The following RHCE variants were observed in gnomAD, a reference collection of about 807,000 sequenced individuals.
RHCE encodes blood group Rh(CE) polypeptide.
Under a neutral mutation model 43.8 loss-of-function variants are expected in RHCE, and 22 were observed. The observed-to-expected ratio is 0.50, with a 90% CI of 0.36 to 0.72. The LOEUF is 0.72. Among genes scored for constraint, RHCE ranks in the 30% least tolerant of loss-of-function variants. The pLI is 0.00. For missense variants in RHCE, 385 were observed against 525.4 expected, an observed-to-expected ratio of 0.73 and a Z score of 2.61; for synonymous variants, 156 against 210.7, an observed-to-expected ratio of 0.74 and a Z score of 2.25.
rs944911854 is a variant in RHCE, at chr1:25,399,050, T to G, written c.486+3546A>C. 3.7e-5 allele frequency: 60 copies of G among 1,604,534 alleles called. 2 individuals are homozygous for G. Among genetic ancestry groups the G allele is most frequent in the South Asian group, 3.2e-4 (29 of 90,894 alleles). Reference sequence around the variant, plus strand: ...ATGGTCACTGGGGCCTTGGACAAGTTGTTACTGACTATGTTCATGGGGATG... The same window carrying G: ...ATGGTCACTGGGGCCTTGGACAAGTGGTTACTGACTATGTTCATGGGGATG... On this transcript the variant is annotated intron_variant, in intron 3 of 9. Coordinates refer to ENST00000294413, the MANE Select transcript of RHCE (RefSeq NM_020485.8).
chr1:25,376,693 T>A (rs958254883), intron 7 of RHCE, among the ~76,000 whole-genome samples: 2 of 151,986 alleles, frequency 1.3e-5, no homozygotes, highest in Non-Finnish European at 2.9e-5. Context: ...GGCGGGTGGA[T>A]CATGAGGTCA....
chr1:25,381,636 T>G (rs1244176500), intron 7 of RHCE, among the ~76,000 whole-genome samples: 1 of 152,018 alleles, frequency 6.6e-6, no homozygotes, highest in Non-Finnish European at 1.5e-5. Context: ...TTTTGTATTT[T>G]TGGTAGAAAC....
intron 5 of RHCE, among the ~76,000 whole-genome samples, chr1:25,390,391 G>T (rs555719701): frequency 6.6e-6 from 1 of 152,112 alleles, no homozygotes; most frequent in Non-Finnish European, 1.5e-5. Context: ...AAATTTGTTG[G>T]GGGGAAGAGA....
intron 7 of RHCE, among the ~76,000 whole-genome samples, chr1:25,376,033 T>C (rs1277035942): frequency 2.0e-5 from 3 of 152,106 alleles, no homozygotes; most frequent in East Asian, 1.9e-4. Flanking sequence ...TCAAGTGATC[T>C]GCCCGCCTTG....
intron 3 of RHCE, among the ~76,000 whole-genome samples, chr1:25,392,559 C>T (rs1646408302): frequency 7.5e-6 from 1 of 134,166 alleles, no homozygotes; most frequent in Non-Finnish European, 1.6e-5. Context: ...CTGTGCCCGG[C>T]CTCTTTTTTT....
At chr1:25,389,483 G>A (rs1646289757) in intron 5 of RHCE, among the ~76,000 whole-genome samples, 1 of 152,098 alleles carries the variant, frequency 6.6e-6, no homozygotes. Flanking sequence ...TATGTTGCCT[G>A]GGCTGGTCTT....
At chr1:25,424,911 G>A (rs1417851796), upstream of RHCE, among the ~76,000 whole-genome samples, 4 of 151,978 alleles carry the variant, frequency 2.6e-5, no homozygotes, top group Admixed American at 6.5e-5. Flanking sequence ...CTGCCTTTTA[G>A]GTTCAAGCGA....
At chr1:25,382,244 G>A (rs935862910) in intron 7 of RHCE, among the ~76,000 whole-genome samples, 4 of 148,100 alleles carry the variant, frequency 2.7e-5, no homozygotes, top group Admixed American at 6.6e-5. Context: ...CATGAAATTT[G>A]GGGGACACAT....
intron 3 of RHCE, among the ~76,000 whole-genome samples, chr1:25,393,418 C>T (rs560664198): frequency 4.6e-5 from 7 of 152,096 alleles, no homozygotes; most frequent in Admixed American, 3.9e-4. Flanking sequence ...GTCAGGAGTT[C>T]GATACCAGCC....
intron 7 of RHCE, among the ~76,000 whole-genome samples, chr1:25,376,844 G>A (rs1645803369): frequency 6.6e-6 from 1 of 151,996 alleles, no homozygotes; most frequent in Non-Finnish European, 1.5e-5. Context: ...AACCCAGGAG[G>A]TGGAGTTTGC....
upstream of RHCE, among the ~76,000 whole-genome samples, chr1:25,424,082 A>G (rs1466973836): frequency 1.3e-5 from 2 of 152,224 alleles, no homozygotes; most frequent in Non-Finnish European, 2.9e-5. Flanking sequence ...TACTCAGTAC[A>G]TTACATGAGA....
chr1:25,369,036 C>G (rs1645520413), intron 9 of RHCE, among the ~76,000 whole-genome samples: 1 of 151,818 alleles, frequency 6.6e-6, no homozygotes, highest in South Asian at 2.1e-4. Context: ...GCTGGGATTA[C>G]AGGCGTGAGC....
At position 25,385,629 on chromosome 1, in the gene RHCE, C is replaced by A. The variant is rs528524815; in HGVS notation, c.1073+82G>T. On this transcript the variant is annotated intron_variant, in intron 7 of 9. Transcript: ENST00000294413. ...GAGCACCTGGCCCCGAGTGCACACG[C>A]CCCAGCTAAGGACTCTGCACACATT... 7.0e-5 allele frequency: 113 copies of A among 1,604,300 alleles called. No homozygotes were observed. The African/African-American group carries it at 1.4e-3, about 20-fold the overall frequency.
intron 4 of RHCE, 142 bp downstream of exon 4, chr1:25,391,852 A>C (rs987468410): frequency 1.7e-6 from 2 of 1,185,020 alleles, no homozygotes; most frequent in Non-Finnish European, 2.5e-6. Context: ...AGCAAACACT[A>C]CTCAAAGAAG....
chr1:25,379,164 A>G (rs997718618), intron 7 of RHCE, among the ~76,000 whole-genome samples: 2 of 151,880 alleles, frequency 1.3e-5, no homozygotes, highest in African/African-American at 2.4e-5. Context: ...TTGCTGTGCC[A>G]TAACATGGCA....
intron 8 of RHCE, among the ~76,000 whole-genome samples, chr1:25,373,330 AT>A (rs1645672025): frequency 6.6e-6 from 1 of 151,738 alleles, no homozygotes; most frequent in Admixed American, 6.6e-5. Flanking sequence ...GGGTTGCCAA[AT>A]AAAATGCAGG....
chr1:25,399,156 G>T, intron 3 of RHCE: 1 of 1,131,060 alleles, frequency 8.8e-7, no homozygotes, highest in South Asian at 1.2e-5. Flanking sequence ...CAACTATCAC[G>T]ATGTGGGCAT....
At chr1:25,393,554 G>C (rs1293262) in intron 3 of RHCE, among the ~76,000 whole-genome samples, 75,992 of 151,984 alleles carry the variant, frequency 0.5, 19,375 homozygotes, top group Non-Finnish European at 0.55. Context: ...CTGGGAGGCA[G>C]AGGCTGTAGT....
In RHCE at chr1:25,405,527, T is replaced by C. The variant is rs146130245; in HGVS notation, c.336-2781A>G. Among the ~76,000 whole-genome samples the C allele has an allele frequency of 3.7e-3, 558 of 150,854 alleles. 25 individuals carry two copies. The East Asian group carries it at 0.085, about 23-fold the overall frequency. ...AATTAGCCGGGCATGGTAGCAGGCG[T>C]CTGTAAAAAAATTTAACTCAGGAGG... On this transcript the variant is annotated intron_variant, in intron 2 of 9. Transcript: ENST00000294413.
Sources: allele counts gnomAD v4.1 joint callset (sites outside exome capture counted in the v4.1 genomes callset), GRCh38; gene constraint gnomAD v4.1.1; transcripts MANE v1.5; gene names NCBI Gene and HGNC (gene_info 2026-07-23, HGNC 2026-07-21).